PALM2AKAP2: variants seen among roughly 807,000 people sequenced by gnomAD.
PALM2AKAP2 encodes the protein PALM2 and AKAP2 fusion.
A neutral mutation model predicts 71.5 loss-of-function variants in PALM2AKAP2; 37 were observed. That is an observed-to-expected ratio of 0.52 (90% CI 0.40 to 0.68). The LOEUF (loss-of-function observed/expected upper bound fraction) is 0.68. Among genes scored for constraint, PALM2AKAP2 ranks in the 30% least tolerant of loss-of-function variants. The pLI is 0.00. For synonymous variants in PALM2AKAP2, 468 were observed against 478.8 expected (o/e 0.98, Z 0.29); for missense variants, 1,224 against 1,191.8 (o/e 1.03, Z -0.40).
chr9:109,757,037 T>C (rs1828973836), intron 1 of PALM2AKAP2, among the ~76,000 whole-genome samples: 2 of 152,122 alleles, frequency 1.3e-5, no homozygotes, highest in African/African-American at 2.4e-5. Flanking sequence ...ATAAGTGACC[T>C]ATTCTGCTAT....
At chr9:109,766,427 C>A (rs1564139910) in intron 1 of PALM2AKAP2, among the ~76,000 whole-genome samples, 1 of 152,188 alleles carries the variant, frequency 6.6e-6, no homozygotes, top group Non-Finnish European at 1.5e-5. Flanking sequence ...GACTGACAGG[C>A]ATAGGCTATT....
chr9:109,905,382 A>G (rs943090704), intron 3 of PALM2AKAP2, among the ~76,000 whole-genome samples: 4 of 152,024 alleles, frequency 2.6e-5, no homozygotes, highest in Non-Finnish European at 4.4e-5. Context: ...CTGCCTCAAC[A>G]CCATCTGTAC....
upstream of PALM2AKAP2, among the ~76,000 whole-genome samples, chr9:109,778,804 T>C (rs1039798770): frequency 1.3e-5 from 2 of 151,578 alleles, no homozygotes; most frequent in Non-Finnish European, 1.5e-5. Flanking sequence ...GTTTCACTCT[T>C]GTTGCCCAGG....
chr9:109,695,412 C>T (rs1300165439), intron 1 of PALM2AKAP2, among the ~76,000 whole-genome samples: 2 of 152,120 alleles, frequency 1.3e-5, no homozygotes, highest in African/African-American at 2.4e-5. Context: ...CTTTACATTC[C>T]CACCACCATA....
At chr9:109,917,854 A>G (rs952203553) in intron 3 of PALM2AKAP2, among the ~76,000 whole-genome samples, 1 of 151,880 alleles carries the variant, frequency 6.6e-6, no homozygotes, top group African/African-American at 2.4e-5. Context: ...CTTACATCTC[A>G]TTGGCCAGAG....
intron 6 of PALM2AKAP2, among the ~76,000 whole-genome samples, chr9:109,941,757 G>T (rs1405406067): frequency 6.6e-6 from 1 of 152,170 alleles, no homozygotes; most frequent in Non-Finnish European, 1.5e-5. Context: ...AGCAACCCCA[G>T]ACTGGCAGCA....
chr9:110,121,165 G>C (rs1835478435), intron 1 of PALM2AKAP2, among the ~76,000 whole-genome samples: 1 of 152,174 alleles, frequency 6.6e-6, no homozygotes, highest in Non-Finnish European at 1.5e-5. Flanking sequence ...TAAGGGCTAA[G>C]TGTGTCTTAG....
At chr9:109,955,360 A>T (rs1831726456) in intron 6 of PALM2AKAP2, among the ~76,000 whole-genome samples, 1 of 152,196 alleles carries the variant, frequency 6.6e-6, no homozygotes, top group Non-Finnish European at 1.5e-5. Flanking sequence ...TATAATGATG[A>T]ATTAACCTTA....
chr9:109,808,188 A>G (rs2131428130), intron 1 of PALM2AKAP2, among the ~76,000 whole-genome samples: 1 of 152,208 alleles, frequency 6.6e-6, no homozygotes, highest in East Asian at 1.9e-4. Flanking sequence ...GAACAGGGAG[A>G]GGCTGGAACA....
intron 1 of PALM2AKAP2, among the ~76,000 whole-genome samples, chr9:109,706,000 T>G (rs528630752): frequency 6.6e-5 from 10 of 152,320 alleles, no homozygotes; most frequent in African/African-American, 2.4e-4. Flanking sequence ...GAATGAACCA[T>G]GCTTGCCTCT....
chr9:109,857,119 C>G (rs148907251), intron 1 of PALM2AKAP2, among the ~76,000 whole-genome samples: 107 of 152,310 alleles, frequency 7.0e-4, no homozygotes, highest in South Asian at 4.1e-3. Flanking sequence ...CTAAGACAGG[C>G]CTATCAACCC....
intron 1 of PALM2AKAP2, among the ~76,000 whole-genome samples, chr9:109,853,997 C>T (rs1053144075): frequency 1.3e-5 from 2 of 152,196 alleles, no homozygotes; most frequent in African/African-American, 2.4e-5. Flanking sequence ...GAGCAGGGCT[C>T]AGCCAAGCAC....
At chr9:110,146,360 T>TG (rs1836170751) in intron 2 of PALM2AKAP2, among the ~76,000 whole-genome samples, 1 of 152,204 alleles carries the variant, frequency 6.6e-6, no homozygotes, top group Non-Finnish European at 1.5e-5. Flanking sequence ...CTGCTGATTG[T>TG]GCTGGGTCTT....
At chr9:109,850,554 A>T (rs963207087) in intron 1 of PALM2AKAP2, among the ~76,000 whole-genome samples, 1 of 152,184 alleles carries the variant, frequency 6.6e-6, no homozygotes, top group Admixed American at 6.5e-5. Flanking sequence ...TCAGCTGGTG[A>T]GGATGAGAAA....
chr9:110,014,849 T>TAC (rs1832952148), intron 6 of PALM2AKAP2, among the ~76,000 whole-genome samples: 8 of 97,518 alleles, frequency 8.2e-5, no homozygotes, highest in African/African-American at 1.9e-4. Flanking sequence ...TATATATATA[T>TAC]ATACACACAC....
intron 1 of PALM2AKAP2, among the ~76,000 whole-genome samples, chr9:109,853,559 GTCTC>G (rs1829077282): frequency 4.6e-5 from 7 of 152,290 alleles, no homozygotes; most frequent in East Asian, 1.9e-4. Flanking sequence ...TAATACTTAA[GTCTC>G]TCTCTTTTTT....
chr9:109,836,545 T>G (rs921703244), intron 1 of PALM2AKAP2, among the ~76,000 whole-genome samples: 1 of 152,114 alleles, frequency 6.6e-6, no homozygotes, highest in Non-Finnish European at 1.5e-5. Flanking sequence ...CTTTGATGAG[T>G]TGAGAGAAGA....
intron 1 of PALM2AKAP2, among the ~76,000 whole-genome samples, chr9:110,073,885 C>T (rs1289752174): frequency 6.6e-6 from 1 of 151,998 alleles, no homozygotes; most frequent in Non-Finnish European, 1.5e-5. Flanking sequence ...ATTATATTGT[C>T]CCACCAGGAT....
At chr9:109,801,637 G>A (rs1176526273) in intron 1 of PALM2AKAP2, among the ~76,000 whole-genome samples, 1 of 152,158 alleles carries the variant, frequency 6.6e-6, no homozygotes, top group Non-Finnish European at 1.5e-5. Context: ...CCAGGACCTG[G>A]GATGGGTCAT....
Sources: gnomAD v4.1 joint callset for allele counts (sites outside exome capture counted in the v4.1 genomes callset) on GRCh38, gnomAD v4.1.1 for gene constraint, MANE v1.5 for transcripts, NCBI Gene and HGNC (gene_info 2026-07-23, HGNC 2026-07-21) for gene names.